SIPA1L1: variants seen among roughly 807,000 people sequenced by gnomAD.
SIPA1L1 encodes signal-induced proliferation-associated 1-like protein 1.
Under a neutral mutation model 162.7 loss-of-function variants are expected in SIPA1L1, and 26 were observed. The ratio of observed to expected loss-of-function variants is 0.16; its 90% CI spans 0.12 to 0.22. SIPA1L1 has a LOEUF of 0.22. Among genes scored for constraint, SIPA1L1 ranks in the 10% least tolerant of loss-of-function variants. SIPA1L1 has a pLI of 1.00. For synonymous variants in SIPA1L1, 829 were observed against 837.4 expected, an observed-to-expected ratio of 0.99 and a Z score of 0.17; for missense variants, 1,874 against 2,241.0, an observed-to-expected ratio of 0.84 and a Z score of 3.31.
intron 7 of SIPA1L1, 66 bp downstream of exon 7, chr14:71,624,302 C>T: frequency 3.8e-6 from 5 of 1,316,380 alleles, no homozygotes; most frequent in South Asian, 1.5e-5. Flanking sequence ...GGAATACAGA[C>T]CTTAATGTTT....
At chr14:71,436,668 T>C (rs2044401596) in intron 2 of SIPA1L1, among the ~76,000 whole-genome samples, 1 of 152,000 alleles carries the variant, frequency 6.6e-6, no homozygotes, top group Non-Finnish European at 1.5e-5. Flanking sequence ...CTGGCAAATA[T>C]TAAAGCTGGT....
intron 6 of SIPA1L1, among the ~76,000 whole-genome samples, chr14:71,619,137 C>T (rs1292585248): frequency 2.0e-5 from 3 of 152,096 alleles, no homozygotes; most frequent in East Asian, 1.9e-4. Flanking sequence ...AAAGATATGT[C>T]CATTAAGTGT....
At chr14:71,372,211 A>G (rs1195015632) in intron 2 of SIPA1L1, among the ~76,000 whole-genome samples, 1 of 152,110 alleles carries the variant, frequency 6.6e-6, no homozygotes, top group Non-Finnish European at 1.5e-5. Context: ...TGCACTCAGA[A>G]TTAGTCAGCT....
At chr14:71,344,206 A>G (rs1268294897) in intron 2 of SIPA1L1, among the ~76,000 whole-genome samples, 2 of 152,196 alleles carry the variant, frequency 1.3e-5, no homozygotes, top group African/African-American at 2.4e-5. Context: ...TTACAGTCAT[A>G]GTGTTTCATA....
intron 2 of SIPA1L1, among the ~76,000 whole-genome samples, chr14:71,492,876 G>A (rs984591817): frequency 1.6e-4 from 24 of 149,226 alleles, no homozygotes; most frequent in African/African-American, 5.4e-4. Flanking sequence ...TTCTCCCACC[G>A]TGGCCTCCCA....
chr14:71,739,357 A>T lies in SIPA1L1; in HGVS notation c.*196A>T. On this transcript the variant is annotated 3_prime_UTR_variant, in exon 24 of 24. Transcript: ENST00000381232. ...CCTTTTGTAGAAAAGAAAAACAAAA[A>T]AAGTAAATAAAAATTTTAAACAGTA... 2.5e-6 allele frequency: 1 copy of T among 392,880 alleles called. No homozygotes were observed. Among genetic ancestry groups the T allele is most frequent in the Non-Finnish European group, 4.4e-6 (1 of 225,368 alleles). The allele number at this position is 392,880 out of a possible 1,614,324, so 24.3% of individuals were successfully genotyped here.
chr14:71,578,857 A>G (rs1055149310), intron 4 of SIPA1L1, among the ~76,000 whole-genome samples: 1 of 152,204 alleles, frequency 6.6e-6, no homozygotes, highest in Non-Finnish European at 1.5e-5. Context: ...TATGGGTCCC[A>G]TGGTGTTATT....
chr14:71,396,562 G>A (rs115383371), intron 2 of SIPA1L1, among the ~76,000 whole-genome samples: 1,824 of 152,274 alleles, frequency 0.012, 47 homozygotes, highest in African/African-American at 0.042. Context: ...AGCATGTCCT[G>A]CAAAGCAGTT....
At chr14:71,358,916 C>A (rs1296555847) in intron 2 of SIPA1L1, among the ~76,000 whole-genome samples, 2 of 152,148 alleles carry the variant, frequency 1.3e-5, no homozygotes, top group African/African-American at 2.4e-5. Flanking sequence ...CTAAATCATT[C>A]ATGAAGGATC....
intron 22 of SIPA1L1, 26 bp from the exon 23 acceptor site, chr14:71,738,215 C>T (rs1200103722): frequency 1.5e-5 from 18 of 1,234,970 alleles, no homozygotes; most frequent in Non-Finnish European, 2.1e-5. Flanking sequence ...CCCCTGCCAA[C>T]ATGGTCTTTT....
chr14:71,627,835 C>T (rs1277542451), intron 7 of SIPA1L1, among the ~76,000 whole-genome samples: 1 of 152,206 alleles, frequency 6.6e-6, no homozygotes, highest in Non-Finnish European at 1.5e-5. Context: ...TATAAATTTG[C>T]ATAATACAGC....
At chr14:71,577,379 ATT>A (rs539375533) in intron 4 of SIPA1L1, among the ~76,000 whole-genome samples, 16 of 139,118 alleles carry the variant, frequency 1.2e-4, no homozygotes, top group Admixed American at 1.4e-4. Flanking sequence ...GTGAGCACTT[ATT>A]TTTTTTTTTT....
intron 5 of SIPA1L1, among the ~76,000 whole-genome samples, chr14:71,610,631 CTCTT>C (rs1392542041): frequency 1.3e-5 from 2 of 152,300 alleles, no homozygotes; most frequent in East Asian, 1.9e-4. Flanking sequence ...TCTTCATCCT[CTCTT>C]TATTTAAAAA....
In SIPA1L1 at chr14:71,624,140, G is replaced by A. The variant is rs1023047038; in HGVS notation, c.1722G>A (p.Leu574=). The A allele has an allele frequency of 4.3e-6, 7 of 1,614,170 alleles. No individual in the cohort carries two copies. The highest frequency in any genetic ancestry group is 5.1e-6 in the Non-Finnish European group (6 of 1,180,002). The part of the protein sequence containing the change: ...TARGLPLKEV[L]EHVVPELNVQ... ...GAGGCCTGCCTCTCAAAGAAGTGCTGGAGCACGTGGTTCCTGAGCTCAATG... is the reference window on the plus strand; with the variant it reads ...GAGGCCTGCCTCTCAAAGAAGTGCTAGAGCACGTGGTTCCTGAGCTCAATG... The change falls in exon 7 of 24, where the codon CTG becomes CTA. Residue 574 remains leucine (L), a synonymous_variant. Coordinates refer to ENST00000381232, the MANE Select transcript of SIPA1L1 (RefSeq NM_001386936.1).
chr14:71,628,368 G>A (rs910265367), intron 7 of SIPA1L1, among the ~76,000 whole-genome samples: 2 of 152,224 alleles, frequency 1.3e-5, no homozygotes, highest in Admixed American at 6.5e-5. Context: ...ACAGTGCTGA[G>A]CATGTGATAA....
intron 2 of SIPA1L1, among the ~76,000 whole-genome samples, chr14:71,443,716 T>C (rs1256981277): frequency 6.6e-6 from 1 of 152,218 alleles, no homozygotes; most frequent in Non-Finnish European, 1.5e-5. Flanking sequence ...ATTTAGACTT[T>C]TAAAACCCAG....
chr14:71,663,907 G>A (rs936352557), intron 10 of SIPA1L1, among the ~76,000 whole-genome samples: 8 of 152,176 alleles, frequency 5.3e-5, no homozygotes, highest in African/African-American at 1.9e-4. Flanking sequence ...GAAAACATTA[G>A]TTTGTAACAT....
At chr14:71,648,534 G>C (rs1008640962) in intron 7 of SIPA1L1, among the ~76,000 whole-genome samples, 1 of 152,158 alleles carries the variant, frequency 6.6e-6, no homozygotes, top group African/African-American at 2.4e-5. Flanking sequence ...AAGTGGCAGG[G>C]CTGGCTGTGT....
chr14:71,563,025 G>A (rs1216519643), intron 4 of SIPA1L1, among the ~76,000 whole-genome samples: 4 of 152,110 alleles, frequency 2.6e-5, no homozygotes, highest in African/African-American at 9.7e-5. Flanking sequence ...CTGTTTCCCT[G>A]GACTGTAACT....
Sources: gnomAD v4.1 joint callset for allele counts (sites outside exome capture counted in the v4.1 genomes callset) on GRCh38, gnomAD v4.1.1 for gene constraint, MANE v1.5 for transcripts, NCBI Gene and HGNC (gene_info 2026-07-23, HGNC 2026-07-21) for gene names.